The following PDE11A variants were observed in gnomAD, a reference collection of about 807,000 sequenced individuals.
PDE11A encodes phosphodiesterase 11A, also known as dual 3',5'-cyclic-AMP and -GMP phosphodiesterase 11A.
PDE11A carries 100 observed loss-of-function variants against 100.5 expected under a neutral mutation model. The ratio of observed to expected loss-of-function variants is 1.00; its 90% CI spans 0.85 to 1.18. PDE11A has a LOEUF of 1.18. Ranked by LOEUF, PDE11A falls within the 50% of genes most tolerant of loss-of-function variation. PDE11A has a pLI of 0.00. For synonymous variants in PDE11A, 381 were observed against 420.8 expected (o/e 0.91, Z 1.16); for missense variants, 1,141 against 1,152.6 (o/e 0.99, Z 0.15).
chr2:177,871,161 A>G (rs755447621), intron 5 of PDE11A, among the ~76,000 whole-genome samples: 3 of 152,154 alleles, frequency 2.0e-5, no homozygotes, highest in Non-Finnish European at 4.4e-5. Flanking sequence ...CCCTTTCCCT[A>G]TATGCACTTG....
intron 15 of PDE11A, among the ~76,000 whole-genome samples, chr2:177,696,992 C>T (rs887294390): frequency 2.0e-5 from 3 of 152,154 alleles, no homozygotes; most frequent in African/African-American, 7.2e-5. Flanking sequence ...GTTATCAATG[C>T]CATTATACAG....
intron 2 of PDE11A, among the ~76,000 whole-genome samples, chr2:177,956,035 C>A (rs183897439): frequency 9.2e-5 from 14 of 151,816 alleles, no homozygotes; most frequent in African/African-American, 2.9e-4. Flanking sequence ...AAAAGCATGG[C>A]GACAAAAGCC....
chr2:177,770,567 G>C (rs1052348980), intron 9 of PDE11A, among the ~76,000 whole-genome samples: 2 of 152,148 alleles, frequency 1.3e-5, no homozygotes, highest in African/African-American at 2.4e-5. Flanking sequence ...TTCCTTCATG[G>C]AATACAGCTG....
chr2:177,769,480 A>T, intron 9 of PDE11A, 107 bp from the exon 10 acceptor site: 1 of 692,912 alleles, frequency 1.4e-6, no homozygotes, highest in Non-Finnish European at 2.6e-6. Flanking sequence ...ACCTTGATTT[A>T]AAGGTGGACT....
intron 9 of PDE11A, among the ~76,000 whole-genome samples, chr2:177,788,016 C>A (rs369199960): frequency 6.6e-6 from 1 of 151,946 alleles, no homozygotes; most frequent in African/African-American, 2.4e-5. Context: ...AGGAATTGAA[C>A]TCAGCTCTGC....
At chr2:177,727,922 C>T in intron 11 of PDE11A, 104 bp downstream of exon 11, 2 of 1,079,104 alleles carry the variant, frequency 1.9e-6, no homozygotes, top group Non-Finnish European at 2.9e-6. Flanking sequence ...GTGTGCAGGG[C>T]AGGGATTATC....
chr2:177,648,037 A>G (rs2080249740), intron 19 of PDE11A, among the ~76,000 whole-genome samples: 1 of 152,142 alleles, frequency 6.6e-6, no homozygotes, highest in Non-Finnish European at 1.5e-5. Flanking sequence ...TATTGAACTC[A>G]GGAGTTCAAG....
chr2:177,863,429 T>C (rs1426940257), intron 5 of PDE11A, among the ~76,000 whole-genome samples: 1 of 151,952 alleles, frequency 6.6e-6, no homozygotes, highest in African/African-American at 2.4e-5. Context: ...GCAAACTATA[T>C]ATCTGACAAG....
intron 2 of PDE11A, chr2:177,997,308 C>T: frequency 1.1e-6 from 1 of 949,200 alleles, no homozygotes; most frequent in Non-Finnish European, 1.7e-6. Context: ...CTATATTTCT[C>T]ACTGGGAGGA....
chr2:178,007,448 C>G (rs1006563838), intron 2 of PDE11A, among the ~76,000 whole-genome samples: 3 of 152,140 alleles, frequency 2.0e-5, no homozygotes, highest in Non-Finnish European at 2.9e-5. Flanking sequence ...AAAACACAAA[C>G]AAATTGGTGA....
intron 2 of PDE11A, among the ~76,000 whole-genome samples, chr2:177,938,790 C>A (rs1046140236): frequency 6.6e-6 from 1 of 152,188 alleles, no homozygotes; most frequent in South Asian, 2.1e-4. Context: ...CTAACCAGCA[C>A]CCCAATACCA....
At chr2:177,986,347 A>G (rs1228770530) in intron 2 of PDE11A, among the ~76,000 whole-genome samples, 1 of 152,196 alleles carries the variant, frequency 6.6e-6, no homozygotes, top group Non-Finnish European at 1.5e-5. Context: ...CATCTCTAGC[A>G]GCAGGGTCAA....
chr2:177,776,914 A>G (rs535286956), intron 9 of PDE11A, among the ~76,000 whole-genome samples: 1 of 152,248 alleles, frequency 6.6e-6, no homozygotes, highest in South Asian at 2.1e-4. Flanking sequence ...TAACTGAAGC[A>G]TGGGGGGGCA....
At chr2:177,873,804 G>C (rs879502851) in intron 5 of PDE11A, among the ~76,000 whole-genome samples, 2 of 152,026 alleles carry the variant, frequency 1.3e-5, no homozygotes, top group Non-Finnish European at 2.9e-5. Context: ...TCATGCATTT[G>C]ATAAAAAATA....
At chr2:178,045,578 T>C (rs1338967552) in intron 1 of PDE11A, among the ~76,000 whole-genome samples, 1 of 152,368 alleles carries the variant, frequency 6.6e-6, no homozygotes, top group South Asian at 2.1e-4. Flanking sequence ...GTTCAAACCC[T>C]GGCTCTCCAA....
chr2:177,780,528 A>G (rs2082439760), intron 9 of PDE11A, among the ~76,000 whole-genome samples: 1 of 152,200 alleles, frequency 6.6e-6, no homozygotes, highest in African/African-American at 2.4e-5. Flanking sequence ...TCTCCTCTCT[A>G]GTTATGAAAT....
intron 10 of PDE11A, among the ~76,000 whole-genome samples, chr2:177,734,426 A>G (rs775939959): frequency 2.0e-5 from 3 of 152,182 alleles, no homozygotes; most frequent in Non-Finnish European, 2.9e-5. Context: ...CAGGAGTTTG[A>G]GGCTGCAATA....
At chr2:178,065,380 C>G (rs1303189713) in intron 1 of PDE11A, among the ~76,000 whole-genome samples, 1 of 152,074 alleles carries the variant, frequency 6.6e-6, no homozygotes, top group Non-Finnish European at 1.5e-5. Context: ...ACCTCAGGAA[C>G]CAAAATAAAT....
chr2:177,697,419 A>C lies in PDE11A; in HGVS notation c.2258T>G (p.Phe753Cys), dbSNP rs2081129473. The change falls in exon 15 of 20, where the codon TTT (phenylalanine) becomes TGT (cysteine). Residue 753 changes from phenylalanine to cysteine, a missense_variant. Transcript: ENST00000286063. ...MILQSEGHNI[F>C]ANLSSKEYSD... Reference sequence around the variant, plus strand: ...ATATTCCTTGGAGGACAGGTTAGCAAAGATATTGTGACCCTGTAATGAGAA... The same window carrying C: ...ATATTCCTTGGAGGACAGGTTAGCACAGATATTGTGACCCTGTAATGAGAA... 6 of 1,556,994 alleles carry C rather than the reference A, an allele frequency of 3.9e-6. No homozygotes were observed. Among genetic ancestry groups the C allele is most frequent in the Non-Finnish European group, 5.3e-6 (6 of 1,128,048 alleles).
Sources: allele counts gnomAD v4.1 joint callset (sites outside exome capture counted in the v4.1 genomes callset), GRCh38; gene constraint gnomAD v4.1.1; transcripts MANE v1.5; gene names NCBI Gene and HGNC (gene_info 2026-07-23, HGNC 2026-07-21).